Variants in CORO7 observed in about 807,000 individuals in gnomAD.
The protein encoded by CORO7 is coronin-7.
CORO7 carries 107 observed loss-of-function variants against 126.6 expected under a neutral mutation model. The ratio of observed to expected loss-of-function variants is 0.85; its 90% CI spans 0.72 to 0.99. The LOEUF (loss-of-function observed/expected upper bound fraction) is 0.99, where lower values mean the gene tolerates loss of function less well. Ranked by LOEUF, CORO7 falls within the 50% of genes least tolerant of loss-of-function variation. The pLI, the probability that CORO7 is intolerant of heterozygous loss-of-function variation, is 0.00. For synonymous variants in CORO7, 603 were observed against 536.8 expected (o/e 1.12, Z -1.70); for missense variants, 1,314 against 1,255.8 (o/e 1.05, Z -0.70).
rs1293850359 is a variant in CORO7, at chr16:4,370,772, C to T, written c.786-5227G>A. 2.6e-5 allele frequency among the ~76,000 whole-genome samples: 4 copies of T among 152,080 alleles called. 1 individual carries two copies. The South Asian group carries it at 6.2e-4, about 24-fold the overall frequency. ...ACTGAGTCCTCCAGAGACTAGGAAA[C>T]CCTCCAGCTGGTGTGGCCCAGCCTC... On this transcript the variant is annotated intron_variant, in intron 9 of 27. Transcript: ENST00000251166.
chr16:4,414,531 A>C (rs1205053765), intron 1 of CORO7: 1 of 152,176 alleles, frequency 6.6e-6, no homozygotes, highest in Non-Finnish European at 1.5e-5. Flanking sequence ...TTTCTATATC[A>C]GTGTTCACCT....
At chr16:4,406,644 G>C (rs939572516) in intron 5 of CORO7, among the ~76,000 whole-genome samples, 1 of 149,952 alleles carries the variant, frequency 6.7e-6, no homozygotes, top group African/African-American at 2.5e-5. Flanking sequence ...TTTTTGTTTT[G>C]AGATGGAGTC....
In CORO7 at chr16:4,384,907, C is replaced by T. The variant is rs113388265; in HGVS notation, c.785+3079G>A. Among the ~76,000 whole-genome samples, 470 of 150,840 alleles carry T rather than the reference C, an allele frequency of 3.1e-3. 5 individuals carry two copies. The highest frequency in any genetic ancestry group is 0.011 in the African/African-American group (445 of 41,028). On this transcript the variant is annotated intron_variant, in intron 9 of 27. Coordinates refer to ENST00000251166, the MANE Select transcript of CORO7 (RefSeq NM_024535.5). ...GGCCTGAGGCTGCTGCTGAACACGGCGGCTGCTGAAGAAATGTTTTCACTG... is the reference window on the plus strand; with the variant it reads ...GGCCTGAGGCTGCTGCTGAACACGGTGGCTGCTGAAGAAATGTTTTCACTG...
intron 6 of CORO7, among the ~76,000 whole-genome samples, chr16:4,401,777 C>T (rs763207777): frequency 6.6e-6 from 1 of 152,208 alleles, no homozygotes; most frequent in African/African-American, 2.4e-5. Flanking sequence ...GGGCAGGACA[C>T]GACATCCAGC....
chr16:4,390,509 CA>C (rs1257242262), intron 7 of CORO7, among the ~76,000 whole-genome samples: 1 of 152,168 alleles, frequency 6.6e-6, no homozygotes, highest in Non-Finnish European at 1.5e-5. Flanking sequence ...AGGCGTGAGC[CA>C]GGTATGGGAA....
At position 4,402,063 on chromosome 16, in the gene CORO7, C is replaced by T. The variant is rs573908003; in HGVS notation, c.564+3428G>A. Reference sequence around the variant, plus strand: ...AAGTTATTCTCTTGCCACAGCCTCCCAAGTAGCTGGGATTACAGGTGCATG... The same window carrying T: ...AAGTTATTCTCTTGCCACAGCCTCCTAAGTAGCTGGGATTACAGGTGCATG... On this transcript the variant is annotated intron_variant, in intron 6 of 27. Coordinates refer to ENST00000251166, the MANE Select transcript of CORO7 (RefSeq NM_024535.5). 2.4e-4 allele frequency among the ~76,000 whole-genome samples: 37 copies of T among 151,942 alleles called. 1 individual carries two copies. In the South Asian group the frequency reaches 7.5e-3, roughly 31 times the overall value.
At chr16:4,391,240 A>G (rs2055378271) in intron 7 of CORO7, among the ~76,000 whole-genome samples, 6 of 151,548 alleles carry the variant, frequency 4.0e-5, no homozygotes, top group African/African-American at 1.2e-4. Flanking sequence ...CTGGGCCACA[A>G]ACTGAAAACT....
chr16:4,378,394 G>A (rs1330924123), intron 9 of CORO7, among the ~76,000 whole-genome samples: 2 of 152,064 alleles, frequency 1.3e-5, no homozygotes, highest in Non-Finnish European at 2.9e-5. Flanking sequence ...TCTGGAACCT[G>A]GCTGCATCCT....
In CORO7 at chr16:4,387,280, C is replaced by T. The variant is rs752683245; in HGVS notation, c.785+706G>A. Among the ~76,000 whole-genome samples, 112 of 152,028 alleles carry T rather than the reference C, an allele frequency of 7.4e-4. 1 individual carries two copies. Among genetic ancestry groups the T allele is most frequent in the Admixed American group, 1.3e-3 (20 of 15,272 alleles). ...GCCTCCTGGTGTCTGGCTCCTGAGC[C>T]GCAGTGGGCCAAGGCCATCTCGGCA... is the stretch of plus-strand genomic sequence containing the variant. On this transcript the variant is annotated intron_variant, in intron 9 of 27. Transcript: ENST00000251166.
chr16:4,357,758 T>TGC lies in CORO7; in HGVS notation c.2593+209_2593+210insGC, dbSNP rs1194804074. On this transcript the variant is annotated intron_variant, in intron 25 of 27. Transcript: ENST00000251166. ...CTAGACACCACAGTGTGTGCGTGTG[T>TGC]GTGTGTGTTAGGGGTGGGGACCTGT... The TGC allele has an allele frequency of 7.4e-4, 573 of 771,552 alleles. 6 individuals are homozygous for TGC. In the African/African-American group the frequency reaches 9.3e-3, roughly 13 times the overall value. 47.8% of individuals were successfully genotyped at this position (771,552 alleles called of 1,614,324 possible).
At chr16:4,373,766 C>T (rs2054616729) in intron 9 of CORO7, among the ~76,000 whole-genome samples, 2 of 152,138 alleles carry the variant, frequency 1.3e-5, no homozygotes, top group South Asian at 4.1e-4. Flanking sequence ...CCTCTGGGAA[C>T]AAGAAAGCAG....
At chr16:4,391,201 C>T (rs572267506) in intron 7 of CORO7, among the ~76,000 whole-genome samples, 8 of 152,240 alleles carry the variant, frequency 5.3e-5, no homozygotes, top group African/African-American at 1.4e-4. Context: ...GGTGGGAGGA[C>T]GGCTTGAGCC....
chr16:4,386,590 G>A (rs1314503134), intron 9 of CORO7, among the ~76,000 whole-genome samples: 6 of 152,180 alleles, frequency 3.9e-5, no homozygotes, highest in African/African-American at 1.4e-4. Flanking sequence ...TCCTCAAGGC[G>A]GGGCGGGTCC....
chr16:4,378,500 C>T (rs535474776), intron 9 of CORO7, among the ~76,000 whole-genome samples: 51 of 152,276 alleles, frequency 3.3e-4, no homozygotes, highest in African/African-American at 1.1e-3. Flanking sequence ...TCACTCACAG[C>T]CCACATCTGG....
chr16:4,410,692 G>A (rs1400491507), intron 3 of CORO7, among the ~76,000 whole-genome samples: 2 of 152,162 alleles, frequency 1.3e-5, no homozygotes, highest in Non-Finnish European at 2.9e-5. Flanking sequence ...TTCCATTTGC[G>A]TGAGATGCGC....
At chr16:4,385,874 G>C (rs769124298) in intron 9 of CORO7, among the ~76,000 whole-genome samples, 5 of 152,270 alleles carry the variant, frequency 3.3e-5, no homozygotes, top group Non-Finnish European at 5.9e-5. Flanking sequence ...CCCAAGCCAA[G>C]ATGGAAAATC....
At position 4,416,557 on chromosome 16, in the gene CORO7, C is replaced by A. The variant is rs1035041263; in HGVS notation, c.-39G>T. On this transcript the variant is annotated 5_prime_UTR_variant, in exon 1 of 28. Transcript: ENST00000251166. Reference sequence around the variant, plus strand: ...GCGGCGGACGCGTCTTCGAGGACCCCGGGCGTCGGGTCTCAGGTGCACGCT... The same window carrying A: ...GCGGCGGACGCGTCTTCGAGGACCCAGGGCGTCGGGTCTCAGGTGCACGCT... 1.3e-6 allele frequency: 2 copies of A among 1,569,896 alleles called. No homozygotes were observed. The highest frequency in any genetic ancestry group is 1.7e-6 in the Non-Finnish European group (2 of 1,161,938).
chr16:4,376,242 G>A (rs953302669), intron 9 of CORO7, among the ~76,000 whole-genome samples: 5 of 152,208 alleles, frequency 3.3e-5, no homozygotes, highest in African/African-American at 7.2e-5. Flanking sequence ...GGACCCAGCC[G>A]GGCCCTGAGC....
chr16:4,409,165 G>T (rs1261740692), intron 3 of CORO7, among the ~76,000 whole-genome samples: 1 of 152,212 alleles, frequency 6.6e-6, no homozygotes, highest in Non-Finnish European at 1.5e-5. Flanking sequence ...ACCACCTGCT[G>T]CTGTCTGCCT....
Sources: allele counts gnomAD v4.1 joint callset (sites outside exome capture counted in the v4.1 genomes callset), GRCh38; gene constraint gnomAD v4.1.1; transcripts MANE v1.5; gene names NCBI Gene and HGNC (gene_info 2026-07-23, HGNC 2026-07-21).